Variants in APOB observed in about 807,000 individuals in gnomAD.
APOB encodes apolipoprotein B, also known as apolipoprotein B-100.
A neutral mutation model predicts 314.1 loss-of-function variants in APOB; 153 were observed. The observed-to-expected ratio is 0.49, with a 90% confidence interval of 0.43 to 0.56. The LOEUF (loss-of-function observed/expected upper bound fraction) is 0.56. Ranked by LOEUF, APOB falls within the 20% of genes least tolerant of loss-of-function variation. The pLI is 0.00. For synonymous variants in APOB, 2,087 were observed against 2,036.4 expected, an observed-to-expected ratio of 1.02 and a Z score of -0.67; for missense variants, 5,430 against 5,350.7, an observed-to-expected ratio of 1.01 and a Z score of -0.46.
Position 21,006,665 on chromosome 2 carries a change from C to T in APOB, c.10203G>A (p.Leu3401=). The T allele has an allele frequency of 6.2e-7, 1 of 1,614,086 alleles. No individual in the cohort carries two copies. The highest frequency in any genetic ancestry group is 8.5e-7 in the Non-Finnish European group (1 of 1,179,974). The change falls in exon 26 of 29, where the codon CTG becomes CTA. Residue 3401 remains leucine, a synonymous_variant. Coordinates refer to ENST00000233242, the MANE Select transcript of APOB (RefSeq NM_000384.3). The part of the protein sequence containing the change: ...RGLKLATALS[L]SNKFVEGSHN... ...GACTACCCTCCACAAATTTGTTGCT[C>T]AGAGACAGAGCTGTGGCTAACTTCA... is the stretch of plus-strand genomic sequence containing the variant.
intron 6 of APOB, 139 bp from the exon 7 acceptor site, chr2:21,035,847 A>G (rs756121094): frequency 2.4e-5 from 22 of 909,082 alleles, no homozygotes; most frequent in Non-Finnish European, 3.5e-5. Context: ...GGTACTTGAC[A>G]TTTAGACCAG....
intron 24 of APOB, 47 bp downstream of exon 24, chr2:21,014,401 C>T: frequency 6.2e-7 from 1 of 1,606,354 alleles, no homozygotes; most frequent in Non-Finnish European, 8.5e-7. Context: ...TAAAATCTTT[C>T]ATTTACTTTG....
intron 24 of APOB, 97 bp from the exon 25 acceptor site, chr2:21,013,630 T>C (rs1415385854): frequency 1.4e-5 from 22 of 1,546,286 alleles, no homozygotes; most frequent in Non-Finnish European, 2.0e-5. Flanking sequence ...ACTTGCCCCA[T>C]TCCCAAAGCC....
At position 21,003,093 on chromosome 2, in the gene APOB, T is replaced by C. The variant is rs993655104; in HGVS notation, c.12329A>G (p.Asn4110Ser). The change falls in exon 29 of 29, where the codon AAC becomes AGC. Residue 4110 changes from asparagine to serine, a missense_variant. Physicochemically the swap from Asn to Ser is conservative, Grantham distance 46. This residue lies in a region of APOB where 3,281 missense variants were observed against 3,171.0 expected (regional missense o/e 1.03). Transcript: ENST00000233242. ...CCCTTGATAAACCCACTCAGCATTG[T>C]TCTGCAGATTTCTTCTCAGCTTTGA... ...VSSKLRRNLQNNAEWVYQGAI... is the reference protein window; with the variant it reads ...VSSKLRRNLQSNAEWVYQGAI... The C allele has an allele frequency of 2.5e-6, 4 of 1,595,590 alleles. No homozygotes were observed. The highest frequency in any genetic ancestry group is 3.4e-6 in the Non-Finnish European group (4 of 1,170,046).
At position 21,011,831 on chromosome 2, in the gene APOB, C is replaced by T. The variant is rs1663330426; in HGVS notation, c.5037G>A (p.Gly1679=). The T allele has an allele frequency of 6.2e-7, 1 of 1,614,036 alleles. No individual in the cohort carries two copies. Among genetic ancestry groups the T allele is most frequent in the Admixed American group, 1.7e-5 (1 of 60,002 alleles). ...CATTTGTTGTTAATTTCATAGATGC[C>T]CCAGAGAGGCCAAGCTCTGCATTCA... ...NELNAELGLS[G]ASMKLTTNGR... Residue 1679 remains glycine (G), a synonymous_variant, in exon 26 of 29, where the codon GGG becomes GGA. Coordinates refer to ENST00000233242, the MANE Select transcript of APOB (RefSeq NM_000384.3).
chr2:21,007,976 A>G lies in APOB; in HGVS notation c.8892T>C (p.Asn2964=), dbSNP rs916694206. The G allele has an allele frequency of 4.3e-6, 7 of 1,613,940 alleles. No homozygotes were observed. The Admixed American group carries it at 6.7e-5, about 15-fold the overall frequency. The change falls in exon 26 of 29, where the codon AAT becomes AAC. Residue 2964 remains asparagine (N), a synonymous_variant. Coordinates refer to ENST00000233242, the MANE Select transcript of APOB (RefSeq NM_000384.3). ...LTSFGLSNKI[N]SKHLRVNQNL... is the part of the protein sequence containing the mutation. ...TTTGGTTTACTCTTAGGTGTTTGCT[A>G]TTGATCTTATTGGACAGTCCAAAGG...
intron 1 of APOB, 124 bp from the exon 2 acceptor site, chr2:21,043,675 C>A: frequency 7.3e-6 from 11 of 1,503,328 alleles, no homozygotes; most frequent in Non-Finnish European, 9.0e-6. Context: ...CGGAGACCCC[C>A]TCCTCAGCCC....
At position 21,023,159 on chromosome 2, in the gene APOB, G is replaced by A. The variant is rs1419356872; in HGVS notation, c.2605-117C>T. 20 of 948,922 alleles carry A rather than the reference G, an allele frequency of 2.1e-5. No homozygotes were observed. The South Asian group carries it at 2.7e-4, about 13-fold the overall frequency. The allele number at this position is 948,922 out of a possible 1,614,324, so 58.8% of individuals were successfully genotyped here. A position where few individuals can be genotyped will look rare whatever the true frequency, so the allele number is the denominator to read the frequency against. On this transcript the variant is annotated intron_variant, in intron 17 of 28. Transcript: ENST00000233242. ...ATTTCCTGGATAACTCAGACCTTTG[G>A]AAACATTACTGGGATTTGTTTGGAA...
chr2:21,018,271 C>T (rs1453373341), intron 20 of APOB, among the ~76,000 whole-genome samples: 1 of 152,182 alleles, frequency 6.6e-6, no homozygotes, highest in African/African-American at 2.4e-5. Flanking sequence ...TTTCTCTGCC[C>T]TTGTCTGCCC....
chr2:21,021,159 T>C (rs1266436962), intron 18 of APOB, among the ~76,000 whole-genome samples: 2 of 152,192 alleles, frequency 1.3e-5, no homozygotes, highest in Non-Finnish European at 1.5e-5. Flanking sequence ...AAAACTGAAT[T>C]TGTCACTTTC....
chr2:21,033,384 G>T lies in APOB; in HGVS notation c.1039C>A (p.Leu347Ile). Residue 347 changes from leucine to isoleucine, a missense_variant, in exon 9 of 29, where the codon CTC becomes ATC. Coordinates refer to ENST00000233242, the MANE Select transcript of APOB (RefSeq NM_000384.3). ...ISEQNIQRAN[L>I]FNKLVTELRG... ...AGCTCAGTAACCAGCTTATTGAAGAGATTAGCTCTCTGGATATTTTGCTCA... is the reference window on the plus strand; with the variant it reads ...AGCTCAGTAACCAGCTTATTGAAGATATTAGCTCTCTGGATATTTTGCTCA... The T allele has an allele frequency of 6.2e-7, 1 of 1,614,162 alleles. No homozygotes were observed. Among genetic ancestry groups the T allele is most frequent in the Non-Finnish European group, 8.5e-7 (1 of 1,180,006 alleles).
chr2:21,008,250 A>G lies in APOB; in HGVS notation c.8618T>C (p.Val2873Ala), dbSNP rs1326897247. Reference sequence around the variant, plus strand: ...AAGCTGATTGTTTATCTTGACAATCACTCCATTACTAAGCTCCAGTGTATT... The same window carrying G: ...AAGCTGATTGTTTATCTTGACAATCGCTCCATTACTAAGCTCCAGTGTATT... ...EKNTLELSNG[V>A]IVKINNQLTL... The change falls in exon 26 of 29, where the codon GTG becomes GCG. Residue 2873 changes from valine (V) to alanine (A), a missense_variant. This residue lies in a region of APOB where 3,281 missense variants were observed against 3,171.0 expected (regional missense o/e 1.03). Coordinates refer to ENST00000233242, the MANE Select transcript of APOB (RefSeq NM_000384.3). The G allele has an allele frequency of 6.2e-7, 1 of 1,613,922 alleles. No individual in the cohort carries two copies. The highest frequency in any genetic ancestry group is 1.7e-5 in the Admixed American group (1 of 59,998).
In APOB at chr2:21,005,791, T is replaced by C. The variant is rs1663117145; in HGVS notation, c.11077A>G (p.Thr3693Ala). 1 of 1,613,906 alleles carries C rather than the reference T, an allele frequency of 6.2e-7. No homozygotes were observed. The highest frequency in any genetic ancestry group is 1.7e-5 in the Admixed American group (1 of 59,992). The change falls in exon 26 of 29, where the codon ACC becomes GCC. Residue 3693 changes from threonine to alanine, a missense_variant. Around this residue, in one of 3 missense-constraint regions of APOB, gnomAD observed 3,281 missense variants for 3,171.0 expected, o/e 1.03. Coordinates refer to ENST00000233242, the MANE Select transcript of APOB (RefSeq NM_000384.3). Reference protein sequence around the residue: ...SLWDFLKLDVTTSIGRRQHLR... With the variant: ...SLWDFLKLDVATSIGRRQHLR... Reference sequence around the variant, plus strand: ...TGCTGTCTCCTACCAATGCTGGTGGTTACATCCAGCTTTAGGAAATCCCAT... The same window carrying C: ...TGCTGTCTCCTACCAATGCTGGTGGCTACATCCAGCTTTAGGAAATCCCAT...
At chr2:21,036,898 A>T (rs1664015457) in intron 6 of APOB, among the ~76,000 whole-genome samples, 1 of 152,030 alleles carries the variant, frequency 6.6e-6, no homozygotes, top group African/African-American at 2.4e-5. Context: ...GAGGAGCCTG[A>T]CTCAAGCCTT....
intron 28 of APOB, among the ~76,000 whole-genome samples, chr2:21,003,836 T>G (rs1406050570): frequency 6.6e-6 from 1 of 152,224 alleles, no homozygotes. Flanking sequence ...AATGTCACCC[T>G]TGATTTGGCC....
At chr2:21,042,991 A>G (rs1253550940) in intron 2 of APOB, among the ~76,000 whole-genome samples, 2 of 148,908 alleles carry the variant, frequency 1.3e-5, no homozygotes, top group Non-Finnish European at 3.0e-5. Context: ...GAAAAAGAAC[A>G]TCTGGGTCCT....
chr2:21,023,811 A>G, intron 16 of APOB, 119 bp from the exon 17 acceptor site: 1 of 819,910 alleles, frequency 1.2e-6, no homozygotes, highest in Non-Finnish European at 1.9e-6. Context: ...AAGGACTAGC[A>G]TATTTTGATG....
rs1156580012 is a variant in APOB, at chr2:21,007,095, A to G, written c.9773T>C (p.Val3258Ala). 1.2e-6 allele frequency: 2 copies of G among 1,614,068 alleles called. No individual in the cohort carries two copies. The highest frequency in any genetic ancestry group is 1.1e-5 in the South Asian group (1 of 91,080). The stretch of plus-strand genomic sequence containing the variant: ...CTCTATGGTGAATGGAGACACTTCA[A>G]CATTGACAACTGGAACAGTGTATCC... ...IPGYTVPVVN[V>A]EVSPFTIEMS... is the part of the protein sequence containing the mutation. Residue 3258 changes from valine (V) to alanine (A), a missense_variant, in exon 26 of 29, where the codon GTT becomes GCT. Around this residue, in one of 3 missense-constraint regions of APOB, gnomAD observed 3,281 missense variants for 3,171.0 expected, o/e 1.03. Coordinates refer to ENST00000233242, the MANE Select transcript of APOB (RefSeq NM_000384.3).
intron 22 of APOB, 52 bp from the exon 23 acceptor site, chr2:21,015,312 A>G: frequency 6.2e-7 from 1 of 1,612,694 alleles, no homozygotes; most frequent in Non-Finnish European, 8.5e-7. Context: ...GCCTGTAACC[A>G]CAGGTCTCAA....
Sources: allele counts gnomAD v4.1 joint callset (sites outside exome capture counted in the v4.1 genomes callset), GRCh38; gene constraint gnomAD v4.1.1; regional missense constraint gnomAD v4.1.1; transcripts MANE v1.5; gene names NCBI Gene and HGNC (gene_info 2026-07-23, HGNC 2026-07-21).